ALKBH1: variants seen among roughly 807,000 people sequenced by gnomAD.
ALKBH1 encodes the protein alkB homolog 1, histone H2A dioxygenase.
A neutral mutation model predicts 36.6 loss-of-function variants in ALKBH1; 31 were observed. The observed-to-expected ratio is 0.85, with a 90% CI of 0.64 to 1.14. ALKBH1 has a LOEUF of 1.14. ALKBH1 is among the 50% of genes most tolerant of loss of function. ALKBH1 has a pLI of 0.00. For missense variants in ALKBH1, 490 were observed against 497.3 expected, an observed-to-expected ratio of 0.99 and a Z score of 0.14; for synonymous variants, 183 against 186.6, an observed-to-expected ratio of 0.98 and a Z score of 0.16.
intron 1 of ALKBH1, among the ~76,000 whole-genome samples, chr14:77,705,526 T>G (rs1014925374): frequency 6.6e-6 from 1 of 152,126 alleles, no homozygotes; most frequent in Admixed American, 6.5e-5. Context: ...TAAAAAATCC[T>G]GTTTGCCCTC....
At position 77,678,830 on chromosome 14, in the gene ALKBH1, T is replaced by C. The variant is rs149312521; in HGVS notation, c.546+1050A>G. Among the ~76,000 whole-genome samples, 1,194 of 152,254 alleles carry C rather than the reference T, an allele frequency of 7.8e-3. 8 individuals are homozygous for C. The highest frequency in any genetic ancestry group is 0.013 in the Non-Finnish European group (852 of 68,014). On this transcript the variant is annotated intron_variant, in intron 4 of 5. Coordinates refer to ENST00000216489, the MANE Select transcript of ALKBH1 (RefSeq NM_006020.3). Reference sequence around the variant, plus strand: ...TTATAGAGCAGGCAAATATCTTTTTTTTTTGAGACAAGATCTTGTTCTATC... The same window carrying C: ...TTATAGAGCAGGCAAATATCTTTTTCTTTTGAGACAAGATCTTGTTCTATC...
chr14:77,683,418 C>T lies in ALKBH1; in HGVS notation c.456-3448G>A. 5.2e-6 allele frequency: 4 copies of T among 773,572 alleles called. No homozygotes were observed. The South Asian group carries it at 5.4e-5, about 10-fold the overall frequency. The allele number at this position is 773,572 out of a possible 1,614,324, so 47.9% of individuals were successfully genotyped here. A position where few individuals can be genotyped will look rare whatever the true frequency, so the allele number is the denominator to read the frequency against. Reference sequence around the variant, plus strand: ...TGTGCTCAATGCGCACATTAATTCTCTTGGCAAGAGTCTTGCCCTTAACTT... The same window carrying T: ...TGTGCTCAATGCGCACATTAATTCTTTTGGCAAGAGTCTTGCCCTTAACTT... On this transcript the variant is annotated intron_variant, in intron 3 of 5. Transcript: ENST00000216489.
At chr14:77,699,838 A>C (rs11621461) in intron 2 of ALKBH1, among the ~76,000 whole-genome samples, 8,228 of 152,184 alleles carry the variant, frequency 0.054, 298 homozygotes, top group Middle Eastern at 0.089. Context: ...GCGGATCACG[A>C]GGTCAGGAGA....
At chr14:77,692,846 C>G (rs945917246) in intron 3 of ALKBH1, among the ~76,000 whole-genome samples, 23 of 151,696 alleles carry the variant, frequency 1.5e-4, no homozygotes, top group Admixed American at 1.5e-3. Flanking sequence ...TAGAGACAGT[C>G]TCTCCTCAGC....
At chr14:77,678,904 C>T (rs1289531270) in intron 4 of ALKBH1, among the ~76,000 whole-genome samples, 1 of 152,086 alleles carries the variant, frequency 6.6e-6, no homozygotes, top group Non-Finnish European at 1.5e-5. Context: ...CAACCTCTGC[C>T]TCCCAGGCTC....
At chr14:77,692,634 C>G (rs966351093) in intron 3 of ALKBH1, among the ~76,000 whole-genome samples, 3 of 152,056 alleles carry the variant, frequency 2.0e-5, no homozygotes, top group African/African-American at 7.2e-5. Context: ...TCACTAAAAC[C>G]TTTACCATCT....
intron 2 of ALKBH1, among the ~76,000 whole-genome samples, chr14:77,703,209 C>G (rs965677407): frequency 2.2e-4 from 34 of 152,058 alleles, no homozygotes; most frequent in African/African-American, 8.2e-4. Flanking sequence ...TCGCAAATTC[C>G]TGGGCTCAAA....
chr14:77,680,624 G>A (rs568955287), intron 3 of ALKBH1, among the ~76,000 whole-genome samples: 5 of 150,164 alleles, frequency 3.3e-5, no homozygotes, highest in Non-Finnish European at 7.4e-5. Flanking sequence ...CAACCGAGAC[G>A]TGCTCTTTCT....
At position 77,674,002 on chromosome 14, in the gene ALKBH1, C is replaced by T; in HGVS notation, c.980G>A (p.Trp327Ter). The T allele has an allele frequency of 6.2e-7, 1 of 1,614,188 alleles. No homozygotes were observed. The highest frequency in any genetic ancestry group is 8.5e-7 in the Non-Finnish European group (1 of 1,180,044). Residue 327 changes from tryptophan to a stop codon, truncating the protein, a stop_gained, in exon 6 of 6, where the codon TGG becomes TAG. Coordinates refer to ENST00000216489, the MANE Select transcript of ALKBH1 (RefSeq NM_006020.3). LOFTEE classifies it high-confidence loss of function. ...SMVEPCSMED[W>*]QVCASYLKTA... is the part of the protein sequence containing the mutation. ...CTTCAAGTAGCTGGCACACACCTGC[C>T]AGTCCTCCATAGAACAAGGCTCTAC...
Position 77,673,640 on chromosome 14 carries a change from A to G in ALKBH1, c.*172T>C. On this transcript the variant is annotated 3_prime_UTR_variant, in exon 6 of 6. Coordinates refer to ENST00000216489, the MANE Select transcript of ALKBH1 (RefSeq NM_006020.3). ...CCATGTCAAACACTTCTCTGAGCAA[A>G]GTGGCTGAGTTTACTTCTGCGTGGG... is the stretch of plus-strand genomic sequence containing the variant. 1.5e-6 allele frequency: 1 copy of G among 648,600 alleles called. No individual in the cohort carries two copies. The highest frequency in any genetic ancestry group is 2.6e-6 in the Non-Finnish European group (1 of 378,570). The allele number at this position is 648,600 out of a possible 1,614,324, so 40.2% of individuals were successfully genotyped here. A position where few individuals can be genotyped will look rare whatever the true frequency, so the allele number is the denominator to read the frequency against.
intron 3 of ALKBH1, among the ~76,000 whole-genome samples, chr14:77,690,763 T>C (rs1212794537): frequency 6.6e-6 from 1 of 151,606 alleles, no homozygotes; most frequent in Non-Finnish European, 1.5e-5. Context: ...ATTTTTTTTT[T>C]CTGTTACAAA....
At chr14:77,698,618 G>A (rs2080341892) in intron 2 of ALKBH1, among the ~76,000 whole-genome samples, 1 of 152,206 alleles carries the variant, frequency 6.6e-6, no homozygotes, top group African/African-American at 2.4e-5. Context: ...AAAGCTTAAG[G>A]ATTTCTGAAT....
At chr14:77,700,352 T>C (rs1450517081) in intron 2 of ALKBH1, among the ~76,000 whole-genome samples, 1 of 152,212 alleles carries the variant, frequency 6.6e-6, no homozygotes, top group Non-Finnish European at 1.5e-5. Flanking sequence ...TCATTGCAGT[T>C]GATTAATCCT....
rs372917906 is a variant in ALKBH1, at chr14:77,674,065, T to C, written c.917A>G (p.Glu306Gly). The change falls in exon 6 of 6, where the codon GAG (glutamate) becomes GGG (glycine). Residue 306 changes from glutamate to glycine, a missense_variant. Physicochemically the swap from Glu to Gly is moderately conservative, Grantham distance 98. Coordinates refer to ENST00000216489, the MANE Select transcript of ALKBH1 (RefSeq NM_006020.3). The part of the protein sequence containing the change: ...PEGEGLPHCL[E>G]APLPAVLPRD... ...CGGGAGGACAGCAGGGAGAGGTGCCTCTAGGCAGTGAGGCAGGCCTTCCCC... is the reference window on the plus strand; with the variant it reads ...CGGGAGGACAGCAGGGAGAGGTGCCCCTAGGCAGTGAGGCAGGCCTTCCCC... 1 of 1,614,020 alleles carries C rather than the reference T, an allele frequency of 6.2e-7. No homozygotes were observed. The highest frequency in any genetic ancestry group is 1.3e-5 in the African/African-American group (1 of 74,912).
intron 3 of ALKBH1, chr14:77,691,918 C>T (rs774997488): frequency 2.0e-5 from 3 of 152,108 alleles, no homozygotes; most frequent in East Asian, 1.9e-4. Context: ...CTCTCAGTTG[C>T]GAAGAAGACA....
chr14:77,702,978 CCT>C (rs1290018594), intron 2 of ALKBH1, among the ~76,000 whole-genome samples: 2 of 152,044 alleles, frequency 1.3e-5, no homozygotes, highest in Non-Finnish European at 2.9e-5. Context: ...AACATGAAAC[CCT>C]GTCTCTACTA....
chr14:77,680,956 G>A (rs1396496463), intron 3 of ALKBH1, among the ~76,000 whole-genome samples: 1 of 151,960 alleles, frequency 6.6e-6, no homozygotes, highest in African/African-American at 2.4e-5. Context: ...GATTACAGGC[G>A]TGAGCCACCA....
In ALKBH1 at chr14:77,687,518, ATAAT is replaced by A. The variant is rs2080274493; in HGVS notation, c.455+7216_455+7219del. Among the ~76,000 whole-genome samples the A allele has an allele frequency of 2.0e-5, 3 of 151,686 alleles. No homozygotes were observed. The South Asian group carries it at 6.3e-4, about 32-fold the overall frequency. ...CTACCCCCTATCTTTCCTTCCCTTT[ATAAT>A]TAAACTTTTAAAAAATTCAGCATTT... On this transcript the variant is annotated intron_variant, in intron 3 of 5. Transcript: ENST00000216489.
chr14:77,699,552 G>C (rs573779011), intron 2 of ALKBH1, among the ~76,000 whole-genome samples: 1 of 152,272 alleles, frequency 6.6e-6, no homozygotes, highest in East Asian at 1.9e-4. Flanking sequence ...TATTAATCCA[G>C]TTTTGCAGAT....
Sources: allele counts gnomAD v4.1 joint callset (sites outside exome capture counted in the v4.1 genomes callset), GRCh38; gene constraint gnomAD v4.1.1; transcripts MANE v1.5; gene names NCBI Gene and HGNC (gene_info 2026-07-23, HGNC 2026-07-21).